The following ACYP2 variants were observed in gnomAD, a reference collection of about 807,000 sequenced individuals.
ACYP2 encodes acylphosphatase-2.
ACYP2 carries 12 observed loss-of-function variants against 11.2 expected under a neutral mutation model. The ratio of observed to expected loss-of-function variants is 1.08; its 90% CI spans 0.69 to 1.74. ACYP2 has a LOEUF of 1.74. Ranked by LOEUF, ACYP2 falls within the 40% of genes most tolerant of loss-of-function variation. The pLI is 0.00. For synonymous variants in ACYP2, 43 were observed against 32.2 expected (o/e 1.33, Z -1.13); for missense variants, 134 against 101.9 (o/e 1.31, Z -1.35).
chr2:54,255,599 T>G (rs766079490), intron 6 of ACYP2: 4 of 1,613,124 alleles, frequency 2.5e-6, no homozygotes, highest in South Asian at 2.2e-5. Context: ...CCTGCCTCCC[T>G]GTTTACCTCA....
chr2:54,083,824 A>G (rs1013898225), intron 4 of ACYP2, among the ~76,000 whole-genome samples: 14 of 152,166 alleles, frequency 9.2e-5, no homozygotes, highest in African/African-American at 3.1e-4. Context: ...CATAAAATTG[A>G]CCTTGAAAAC....
At chr2:54,236,469 A>G (rs1254352415) in intron 6 of ACYP2, among the ~76,000 whole-genome samples, 1 of 152,162 alleles carries the variant, frequency 6.6e-6, no homozygotes, top group Non-Finnish European at 1.5e-5. Flanking sequence ...ATTAGAAAGT[A>G]TATTTCTTAA....
intron 4 of ACYP2, among the ~76,000 whole-genome samples, chr2:54,117,886 G>A (rs1045798166): frequency 6.6e-6 from 1 of 152,116 alleles, no homozygotes; most frequent in Non-Finnish European, 1.5e-5. Flanking sequence ...AGTTTACACT[G>A]TACCCAATGT....
chr2:54,170,632 C>T (rs1170944406), intron 6 of ACYP2, among the ~76,000 whole-genome samples: 1 of 151,804 alleles, frequency 6.6e-6, no homozygotes, highest in Non-Finnish European at 1.5e-5. Context: ...ATATTCACAT[C>T]TCCAGCTAGA....
At chr2:54,004,470 G>A (rs1672956020) in intron 2 of ACYP2, among the ~76,000 whole-genome samples, 1 of 144,256 alleles carries the variant, frequency 6.9e-6, no homozygotes, top group Non-Finnish European at 1.5e-5. Flanking sequence ...GAGTGCAGTG[G>A]CACGATCTTG....
At chr2:53,986,494 A>G (rs897345354) in intron 2 of ACYP2, among the ~76,000 whole-genome samples, 3 of 149,542 alleles carry the variant, frequency 2.0e-5, no homozygotes, top group Non-Finnish European at 3.0e-5. Flanking sequence ...ACAGCACCAC[A>G]CTCAGCTAAT....
intron 6 of ACYP2, among the ~76,000 whole-genome samples, chr2:54,300,237 C>T (rs1043665460): frequency 1.2e-4 from 19 of 152,314 alleles, no homozygotes; most frequent in Non-Finnish European, 2.5e-4. Context: ...CTCCTTTGCT[C>T]GAATCTTCAA....
chr2:54,026,506 C>T (rs184756952), intron 2 of ACYP2, among the ~76,000 whole-genome samples: 1 of 152,124 alleles, frequency 6.6e-6, no homozygotes, highest in Admixed American at 6.5e-5. Context: ...ATGGAGATTC[C>T]TTAAAGAACT....
chr2:53,976,557 A>G (rs1351910793), intron 2 of ACYP2, among the ~76,000 whole-genome samples: 2 of 152,208 alleles, frequency 1.3e-5, no homozygotes, highest in East Asian at 3.8e-4. Context: ...ATTGCAATGT[A>G]ATTAAATATC....
intron 6 of ACYP2, among the ~76,000 whole-genome samples, chr2:54,184,149 G>A (rs1000477643): frequency 3.3e-5 from 5 of 152,132 alleles, no homozygotes; most frequent in African/African-American, 7.2e-5. Context: ...CCAGTAGTTG[G>A]AAGCAGGGTC....
intron 6 of ACYP2, among the ~76,000 whole-genome samples, chr2:54,298,761 T>A (rs1689614631): frequency 1.3e-5 from 2 of 152,260 alleles, no homozygotes; most frequent in South Asian, 4.1e-4. Context: ...CAGAGTTCAT[T>A]TGTTTTGAGA....
chr2:53,976,112 G>A (rs13014265), intron 2 of ACYP2, among the ~76,000 whole-genome samples: 2,957 of 152,308 alleles, frequency 0.019, 26 homozygotes, highest in Non-Finnish European at 0.029. Context: ...CAGGTTATTA[G>A]TGTCACATCT....
chr2:54,202,987 T>C (rs1441810010), intron 6 of ACYP2, among the ~76,000 whole-genome samples: 1 of 152,084 alleles, frequency 6.6e-6, no homozygotes, highest in East Asian at 1.9e-4. Context: ...AGGATCAGCT[T>C]GTTTATTTCT....
At chr2:54,097,924 T>C (rs1678684159) in intron 4 of ACYP2, among the ~76,000 whole-genome samples, 1 of 148,508 alleles carries the variant, frequency 6.7e-6, no homozygotes. Flanking sequence ...TTCTTCTTTC[T>C]TCCTCCCCCT....
chr2:54,176,752 G>T (rs1263542880), intron 6 of ACYP2, among the ~76,000 whole-genome samples: 4 of 152,124 alleles, frequency 2.6e-5, no homozygotes, highest in Non-Finnish European at 4.4e-5. Context: ...TTCTATCCAG[G>T]AATTGACCTT....
chr2:54,028,176 T>A (rs1259907172), intron 2 of ACYP2, among the ~76,000 whole-genome samples: 1 of 152,158 alleles, frequency 6.6e-6, no homozygotes, highest in East Asian at 1.9e-4. Flanking sequence ...TACTCTTGGC[T>A]ATGGCAATTT....
At chr2:54,144,395 G>A (rs765955637) in intron 6 of ACYP2, among the ~76,000 whole-genome samples, 11 of 151,936 alleles carry the variant, frequency 7.2e-5, no homozygotes, top group Non-Finnish European at 1.2e-4. Context: ...AAAAAATCTC[G>A]GCCGGTGCGG....
chr2:54,083,445 G>A (rs1677774401), intron 4 of ACYP2, among the ~76,000 whole-genome samples: 1 of 152,262 alleles, frequency 6.6e-6, no homozygotes, highest in South Asian at 2.1e-4. Context: ...ACTTCCCACA[G>A]CTGACCCAAA....
chr2:54,204,067 T>A (rs1684967787), intron 6 of ACYP2, among the ~76,000 whole-genome samples: 1 of 152,200 alleles, frequency 6.6e-6, no homozygotes, highest in African/African-American at 2.4e-5. Context: ...CGATCTCGGC[T>A]CACTGCGACC....
Sources: gnomAD v4.1 joint callset for allele counts (sites outside exome capture counted in the v4.1 genomes callset) on GRCh38, gnomAD v4.1.1 for gene constraint, MANE v1.5 for transcripts, NCBI Gene and HGNC (gene_info 2026-07-23, HGNC 2026-07-21) for gene names.